The following GOLPH3 variants were observed in gnomAD, a reference collection of about 807,000 sequenced individuals.
GOLPH3 encodes coat protein GPP34.
A neutral mutation model predicts 28.5 loss-of-function variants in GOLPH3; 14 were observed. The observed-to-expected ratio is 0.49, with a 90% CI of 0.32 to 0.77. The LOEUF (loss-of-function observed/expected upper bound fraction) is 0.77. Among genes scored for constraint, GOLPH3 ranks in the 30% least tolerant of loss-of-function variants. The pLI is 0.03. For missense variants in GOLPH3, 350 were observed against 393.7 expected (o/e 0.89, Z 0.94); for synonymous variants, 158 against 159.2 (o/e 0.99, Z 0.06).
chr5:32,139,995 G>A (rs73752791), intron 2 of GOLPH3, among the ~76,000 whole-genome samples: 2,579 of 152,146 alleles, frequency 0.017, 68 homozygotes, highest in African/African-American at 0.059. Context: ...CAAGAAGTCC[G>A]TATCCAATTT....
At chr5:32,135,545 GT>G in intron 3 of GOLPH3, 26 bp downstream of exon 3, 2 of 1,391,890 alleles carry the variant, frequency 1.4e-6, no homozygotes, top group Non-Finnish European at 2.0e-6. Flanking sequence ...ACAGAAGTTG[GT>G]TTTTGGTTTA....
chr5:32,126,046 C>T lies in GOLPH3; in HGVS notation c.*166G>A. 1 of 640,608 alleles carries T rather than the reference C, an allele frequency of 1.6e-6. No individual in the cohort carries two copies. Among genetic ancestry groups the T allele is most frequent in the South Asian group, 2.6e-5 (1 of 38,736 alleles). 39.7% of individuals were successfully genotyped at this position (640,608 alleles called of 1,614,324 possible). On this transcript the variant is annotated 3_prime_UTR_variant, in exon 4 of 4. Coordinates refer to ENST00000265070, the MANE Select transcript of GOLPH3 (RefSeq NM_022130.4). ...ACAGAAAGAGGAAGGCCTCTCGTAC[C>T]AGCAGAATCCTGTACACGTACAAAA... is the stretch of plus-strand genomic sequence containing the variant.
intron 2 of GOLPH3, 85 bp downstream of exon 2, chr5:32,143,664 T>G: frequency 8.3e-7 from 1 of 1,204,424 alleles, no homozygotes; most frequent in South Asian, 1.5e-5. Context: ...AACTTCCACT[T>G]TAATTTTTGA....
rs1561678459 is a variant in GOLPH3, at chr5:32,158,010, TAAATAAATAAAATAC to T, written c.226-14145_226-14131del. On this transcript the variant is annotated intron_variant, in intron 1 of 3. Transcript: ENST00000265070. ...ATAAATAAATAAATAAATAAATAAA[TAAATAAATAAAATAC>T]ACACACACACACACACACACACACA... Among the ~76,000 whole-genome samples, 718 of 75,612 alleles carry T rather than the reference TAAATAAATAAAATAC, an allele frequency of 9.5e-3. 32 individuals are homozygous for T. Among genetic ancestry groups the T allele is most frequent in the African/African-American group, 0.043 (681 of 15,986 alleles). The allele number at this position is 75,612 out of a possible 152,430, so 49.6% of individuals were successfully genotyped here.
intron 1 of GOLPH3, among the ~76,000 whole-genome samples, chr5:32,144,682 A>G (rs966303230): frequency 6.6e-6 from 1 of 152,248 alleles, no homozygotes; most frequent in Non-Finnish European, 1.5e-5. Context: ...AAAATTCTCA[A>G]TAATAAACAG....
chr5:32,173,606 G>A (rs114833606), intron 1 of GOLPH3: 6,359 of 383,602 alleles, frequency 0.017, 57 homozygotes, highest in Non-Finnish European at 0.023. Flanking sequence ...TCTACGGGGA[G>A]GATCCAGAAA....
intron 1 of GOLPH3, 44 bp from the exon 2 acceptor site, chr5:32,143,924 C>T (rs1746138492): frequency 7.4e-7 from 1 of 1,351,326 alleles, no homozygotes; most frequent in Non-Finnish European, 9.9e-7. Flanking sequence ...AGCTAATTTA[C>T]CTTGAATTCA....
At position 32,126,423 on chromosome 5, in the gene GOLPH3, G is replaced by C; in HGVS notation, c.686C>G (p.Pro229Arg). 1 of 1,614,146 alleles carries C rather than the reference G, an allele frequency of 6.2e-7. No individual in the cohort carries two copies. The highest frequency in any genetic ancestry group is 8.5e-7 in the Non-Finnish European group (1 of 1,180,020). ...EAVLDKWVND[P>R]HRMDRRLLAL... The stretch of plus-strand genomic sequence containing the variant: ...CAGCAAGCGCCTGTCCATGCGGTGA[G>C]GGTCATTCACCCATTTGTCAAGAAC... Residue 229 changes from proline to arginine, a missense_variant, in exon 4 of 4, where the codon CCT becomes CGT. Physicochemically the swap from Pro to Arg is moderately radical, Grantham distance 103. Transcript: ENST00000265070.
At chr5:32,170,104 TTTA>T (rs1746797228) in intron 1 of GOLPH3, among the ~76,000 whole-genome samples, 1 of 152,218 alleles carries the variant, frequency 6.6e-6, no homozygotes, top group African/African-American at 2.4e-5. Context: ...AAAGTAATTT[TTTA>T]AATATTATAG....
At chr5:32,133,970 T>C (rs1745880999) in intron 3 of GOLPH3, among the ~76,000 whole-genome samples, 3 of 152,300 alleles carry the variant, frequency 2.0e-5, no homozygotes, top group South Asian at 4.1e-4. Context: ...AAGAATACGT[T>C]TACGTTCTTA....
At chr5:32,150,609 A>G (rs1746283640) in intron 1 of GOLPH3, among the ~76,000 whole-genome samples, 1 of 152,154 alleles carries the variant, frequency 6.6e-6, no homozygotes, top group South Asian at 2.1e-4. Context: ...GAACATACTG[A>G]AATCAAATAC....
intron 1 of GOLPH3, among the ~76,000 whole-genome samples, chr5:32,151,365 A>T (rs903225466): frequency 2.6e-5 from 4 of 152,164 alleles, no homozygotes; most frequent in Non-Finnish European, 5.9e-5. Flanking sequence ...CTCTACAAAA[A>T]ATGTTTTAAA....
chr5:32,130,516 C>T (rs1745804483), intron 3 of GOLPH3, among the ~76,000 whole-genome samples: 1 of 152,136 alleles, frequency 6.6e-6, no homozygotes, highest in Non-Finnish European at 1.5e-5. Flanking sequence ...GAATAAATGA[C>T]TCCCAAGCTA....
intron 1 of GOLPH3, among the ~76,000 whole-genome samples, chr5:32,169,045 G>C (rs900046641): frequency 6.6e-6 from 1 of 152,002 alleles, no homozygotes; most frequent in Non-Finnish European, 1.5e-5. Context: ...AGACTGAAGC[G>C]GGAGGATCAC....
intron 3 of GOLPH3, among the ~76,000 whole-genome samples, chr5:32,129,317 T>C (rs1483843534): frequency 6.6e-6 from 1 of 152,210 alleles, no homozygotes; most frequent in Non-Finnish European, 1.5e-5. Context: ...CATAGGGCTA[T>C]TACGAGGATT....
chr5:32,163,277 T>G (rs143061315), intron 1 of GOLPH3, among the ~76,000 whole-genome samples: 3 of 152,180 alleles, frequency 2.0e-5, no homozygotes, highest in Non-Finnish European at 4.4e-5. Context: ...CCATAAAAGT[T>G]AGTAACTCAG....
At chr5:32,164,081 A>T (rs567999051) in intron 1 of GOLPH3, among the ~76,000 whole-genome samples, 30 of 152,350 alleles carry the variant, frequency 2.0e-4, no homozygotes, top group Non-Finnish European at 2.8e-4. Flanking sequence ...TTAAAACTTT[A>T]ACTCATAAGT....
intron 1 of GOLPH3, among the ~76,000 whole-genome samples, chr5:32,163,726 G>C (rs1359038484): frequency 6.6e-6 from 1 of 152,018 alleles, no homozygotes; most frequent in Non-Finnish European, 1.5e-5. Context: ...GAATGGCACA[G>C]AGAAGCTGTT....
intron 1 of GOLPH3, among the ~76,000 whole-genome samples, chr5:32,154,673 G>A (rs1056895782): frequency 6.6e-6 from 1 of 152,178 alleles, no homozygotes; most frequent in Non-Finnish European, 1.5e-5. Context: ...AAAAGTAGGG[G>A]AAATTTCCAA....
Sources: gnomAD v4.1 joint callset for allele counts (sites outside exome capture counted in the v4.1 genomes callset) on GRCh38, gnomAD v4.1.1 for gene constraint, MANE v1.5 for transcripts, NCBI Gene and HGNC (gene_info 2026-07-23, HGNC 2026-07-21) for gene names.